Variants in KCNH5 observed in about 807,000 individuals in gnomAD.
KCNH5 encodes the protein voltage-gated delayed rectifier potassium channel KCNH5.
KCNH5 carries 46 observed loss-of-function variants against 96.1 expected under a neutral mutation model. That is an observed-to-expected ratio of 0.48 (90% CI 0.38 to 0.61). KCNH5 has a LOEUF of 0.61. Among genes scored for constraint, KCNH5 ranks in the 20% least tolerant of loss-of-function variants. The pLI is 0.00. For synonymous variants in KCNH5, 439 were observed against 449.8 expected (o/e 0.98, Z 0.30); for missense variants, 907 against 1,225.8 (o/e 0.74, Z 3.88).
At chr14:62,879,615 C>G (rs1888452136) in intron 7 of KCNH5, among the ~76,000 whole-genome samples, 1 of 152,096 alleles carries the variant, frequency 6.6e-6, no homozygotes, top group Non-Finnish European at 1.5e-5. Context: ...CGAATACTCT[C>G]CAAAAAACTT....
At chr14:62,978,347 AAGG>A (rs1890540474) in intron 6 of KCNH5, among the ~76,000 whole-genome samples, 1 of 152,318 alleles carries the variant, frequency 6.6e-6, no homozygotes, top group South Asian at 2.1e-4. Flanking sequence ...GTGTTGATGA[AAGG>A]AGATTTGAGC....
chr14:62,738,920 GGAAGTCTTTAGA>G (rs1885215254), intron 10 of KCNH5, among the ~76,000 whole-genome samples: 1 of 152,068 alleles, frequency 6.6e-6, no homozygotes, highest in Non-Finnish European at 1.5e-5. Context: ...GAGGAAATCT[GGAAGTCTTTAGA>G]GATGGTGTTA....
intron 7 of KCNH5, among the ~76,000 whole-genome samples, chr14:62,948,435 TAC>T (rs1889935910): frequency 6.6e-6 from 1 of 151,988 alleles, no homozygotes; most frequent in East Asian, 1.9e-4. Context: ...CCTTGACACA[TAC>T]ACTCTCCCAA....
intron 6 of KCNH5, among the ~76,000 whole-genome samples, chr14:62,970,044 T>TAAAAAA (rs373852520): frequency 3.3e-5 from 1 of 30,402 alleles, no homozygotes; most frequent in African/African-American, 1.2e-4. Flanking sequence ...AGACTCCGTC[T>TAAAAAA]AAAAAAAAAA....
At chr14:62,778,175 C>G (rs1426685974) in intron 10 of KCNH5, among the ~76,000 whole-genome samples, 3 of 152,128 alleles carry the variant, frequency 2.0e-5, no homozygotes, top group Admixed American at 6.5e-5. Context: ...CTACAGTCTT[C>G]CCTCGGTATA....
At chr14:62,821,709 A>G (rs1375510685) in intron 8 of KCNH5, among the ~76,000 whole-genome samples, 1 of 152,142 alleles carries the variant, frequency 6.6e-6, no homozygotes, top group African/African-American at 2.4e-5. Flanking sequence ...ATAGCCATGA[A>G]TATCAGAATA....
intron 9 of KCNH5, among the ~76,000 whole-genome samples, chr14:62,797,501 C>T (rs1287241015): frequency 2.0e-5 from 3 of 151,972 alleles, no homozygotes; most frequent in African/African-American, 7.3e-5. Context: ...TGGGAAAAAC[C>T]CTTTTAAGGA....
chr14:62,796,382 G>A (rs748986396), intron 9 of KCNH5, among the ~76,000 whole-genome samples: 12 of 152,088 alleles, frequency 7.9e-5, no homozygotes, highest in Admixed American at 2.6e-4. Context: ...ACTCTCTTTC[G>A]TATTAAGTTG....
At chr14:62,732,936 ATC>A (rs1170392588) in intron 10 of KCNH5, among the ~76,000 whole-genome samples, 2 of 147,952 alleles carry the variant, frequency 1.4e-5, no homozygotes, top group Admixed American at 6.8e-5. Context: ...ATTCTCTCTC[ATC>A]TCTCTCTCTC....
intron 7 of KCNH5, among the ~76,000 whole-genome samples, chr14:62,926,501 C>T (rs1283973562): frequency 6.6e-6 from 1 of 152,058 alleles, no homozygotes; most frequent in African/African-American, 2.4e-5. Flanking sequence ...TGTCTTAGTC[C>T]ATTTGAGCTA....
intron 10 of KCNH5, among the ~76,000 whole-genome samples, chr14:62,726,779 T>G (rs190006486): frequency 2.0e-5 from 3 of 152,252 alleles, no homozygotes; most frequent in Non-Finnish European, 4.4e-5. Context: ...GTTGTACACA[T>G]GTAGATAAAA....
chr14:62,779,718 G>C lies in KCNH5; in HGVS notation c.2019+10C>G, dbSNP rs776385127. 3.1e-6 allele frequency: 5 copies of C among 1,606,498 alleles called. 1 individual carries two copies. The highest frequency in any genetic ancestry group is 4.3e-6 in the Non-Finnish European group (5 of 1,175,372). On this transcript the variant is annotated intron_variant, in intron 10 of 10. Transcript: ENST00000322893. The stretch of plus-strand genomic sequence containing the variant: ...ACACTAATAAGAAAAAGCAGACCCA[G>C]AGAACATACCCGTTTCCTCAGATTG...
At chr14:63,001,294 C>G in intron 4 of KCNH5, 37 bp downstream of exon 4, 1 of 1,553,644 alleles carries the variant, frequency 6.4e-7, no homozygotes, top group South Asian at 1.2e-5. Flanking sequence ...TTAGCAACAG[C>G]CTAATTTTTC....
intron 10 of KCNH5, among the ~76,000 whole-genome samples, chr14:62,738,807 T>G (rs60006056): frequency 6.6e-6 from 1 of 152,096 alleles, no homozygotes; most frequent in African/African-American, 2.4e-5. Context: ...GTTAGAAATA[T>G]ACAGTCATAT....
chr14:62,705,630 T>G lies in KCNH5; in HGVS notation c.*1878A>C, dbSNP rs1313458799. ...AGGAAAATGGAGCCCATGGCTCATA[T>G]GTTTTGAGACTCCTAGATTAAAGAG... On this transcript the variant is annotated 3_prime_UTR_variant, in exon 11 of 11. Transcript: ENST00000322893. The G allele has an allele frequency of 2.0e-5, 3 of 152,038 alleles. No homozygotes were observed. The highest frequency in any genetic ancestry group is 2.9e-5 in the Non-Finnish European group (2 of 67,902). 9.4% of individuals were successfully genotyped at this position (152,038 alleles called of 1,614,324 possible).
At chr14:62,804,761 T>C (rs187090843) in intron 8 of KCNH5, among the ~76,000 whole-genome samples, 14 of 152,328 alleles carry the variant, frequency 9.2e-5, no homozygotes, top group African/African-American at 2.2e-4. Flanking sequence ...CTTAGGCTTA[T>C]TGCAGAAATT....
chr14:62,900,058 G>A (rs1002969520), intron 7 of KCNH5, among the ~76,000 whole-genome samples: 1 of 152,142 alleles, frequency 6.6e-6, no homozygotes, highest in Non-Finnish European at 1.5e-5. Context: ...CAAGGAAATA[G>A]CATTCTCCAT....
intron 8 of KCNH5, among the ~76,000 whole-genome samples, chr14:62,825,904 C>T (rs1353948835): frequency 6.6e-6 from 1 of 151,870 alleles, no homozygotes; most frequent in Non-Finnish European, 1.5e-5. Flanking sequence ...ATTTGTTCTG[C>T]CTAATTGAAA....
chr14:62,863,067 C>G (rs1888068653), intron 7 of KCNH5, among the ~76,000 whole-genome samples: 1 of 152,106 alleles, frequency 6.6e-6, no homozygotes, highest in Admixed American at 6.6e-5. Flanking sequence ...ATTTTTCTTT[C>G]TATTCTTCTA....
Sources: allele counts gnomAD v4.1 joint callset (sites outside exome capture counted in the v4.1 genomes callset), GRCh38; gene constraint gnomAD v4.1.1; transcripts MANE v1.5; gene names NCBI Gene and HGNC (gene_info 2026-07-23, HGNC 2026-07-21).